Variants in PLPPR1 observed in about 807,000 individuals in gnomAD.
PLPPR1 encodes the protein phospholipid phosphatase-related protein type 1.
A neutral mutation model predicts 33.1 loss-of-function variants in PLPPR1; 10 were observed. That is an observed-to-expected ratio of 0.30 (90% CI 0.19 to 0.51). PLPPR1 has a LOEUF of 0.51. PLPPR1 is among the 20% of genes least tolerant of loss of function. The probability of loss-of-function intolerance (pLI) is 0.97; values close to 1 mark genes in which losing one functional copy is unlikely to be tolerated. For synonymous variants in PLPPR1, 151 were observed against 151.0 expected, an observed-to-expected ratio of 1.00 and a Z score of 0.00; for missense variants, 304 against 408.1, an observed-to-expected ratio of 0.74 and a Z score of 2.20.
At position 101,180,137 on chromosome 9, in the gene PLPPR1, TATATATACACACACAC is replaced by T. The variant is rs1564167598; in HGVS notation, c.-45-5311_-45-5296del. 7.6e-3 allele frequency among the ~76,000 whole-genome samples: 316 copies of T among 41,326 alleles called. 3 individuals carry two copies. Among genetic ancestry groups the T allele is most frequent in the Middle Eastern group, 0.021 (2 of 94 alleles). The allele number at this position is 41,326 out of a possible 152,430, so 27.1% of individuals were successfully genotyped here. A position where few individuals can be genotyped will look rare whatever the true frequency, so the allele number is the denominator to read the frequency against. ...ATATATATATATATATATATATATA[TATATATACACACACAC>T]ACACACACATACACACACACACAGA... On this transcript the variant is annotated intron_variant, in intron 1 of 7. Coordinates refer to ENST00000374874, the MANE Select transcript of PLPPR1 (RefSeq NM_207299.2).
chr9:101,217,353 A>G (rs1169487390), intron 2 of PLPPR1, among the ~76,000 whole-genome samples: 1 of 152,244 alleles, frequency 6.6e-6, no homozygotes, highest in Non-Finnish European at 1.5e-5. Context: ...AAACATATAT[A>G]CCAAGGGTTA....
Position 101,215,304 on chromosome 9 carries a change from G to C in PLPPR1, c.63+29747G>C, listed in dbSNP as rs147775428. 3.0e-3 allele frequency among the ~76,000 whole-genome samples: 450 copies of C among 152,058 alleles called. 1 individual carries two copies. The highest frequency in any genetic ancestry group is 0.01 in the African/African-American group (417 of 41,468). ...CTTTTTTTATTTTTTTTTGGAGACA[G>C]AGTTTTGCTGTGTCTCCCAGGCTGG... On this transcript the variant is annotated intron_variant, in intron 2 of 7. Coordinates refer to ENST00000374874, the MANE Select transcript of PLPPR1 (RefSeq NM_207299.2).
intron 4 of PLPPR1, among the ~76,000 whole-genome samples, chr9:101,290,274 T>C (rs1032453470): frequency 6.6e-6 from 1 of 152,224 alleles, no homozygotes; most frequent in Non-Finnish European, 1.5e-5. Context: ...CAATTGACAT[T>C]GGAAAATGAC....
chr9:101,210,234 G>A (rs868158627), intron 2 of PLPPR1, among the ~76,000 whole-genome samples: 1 of 152,176 alleles, frequency 6.6e-6, no homozygotes, highest in African/African-American at 2.4e-5. Flanking sequence ...CATATACCTT[G>A]AAGAAATTAA....
At chr9:101,152,531 G>C (rs1831602776) in intron 1 of PLPPR1, among the ~76,000 whole-genome samples, 1 of 152,112 alleles carries the variant, frequency 6.6e-6, no homozygotes, top group Non-Finnish European at 1.5e-5. Context: ...TATGGCTTTA[G>C]GTCTAAAATT....
chr9:101,212,422 A>G (rs1826708681), intron 2 of PLPPR1, among the ~76,000 whole-genome samples: 1 of 152,134 alleles, frequency 6.6e-6, no homozygotes, highest in Non-Finnish European at 1.5e-5. Context: ...TGCTTTTGAG[A>G]TGCCTTCTCT....
intron 1 of PLPPR1, among the ~76,000 whole-genome samples, chr9:101,111,702 G>C (rs1831059451): frequency 6.6e-6 from 1 of 152,162 alleles, no homozygotes; most frequent in South Asian, 2.1e-4. Context: ...ATACCAGGTA[G>C]TGAAACCTAA....
In PLPPR1 at chr9:101,316,616, C is replaced by CAAAAAAAAAAAAAAAAAAA. The variant is rs553324474; in HGVS notation, c.814-737_814-736insAAAAAAAAAAAAAAAAAAA. ...AGGGAAAAGGAGGGTTCTTCTTGGG[C>CAAAAAAAAAAAAAAAAAAA]AAAAAAAAAAAAGCAGGGAAGATGG... On this transcript the variant is annotated intron_variant, in intron 6 of 7. Coordinates refer to ENST00000374874, the MANE Select transcript of PLPPR1 (RefSeq NM_207299.2). Among the ~76,000 whole-genome samples, 35 of 82,510 alleles carry CAAAAAAAAAAAAAAAAAAA rather than the reference C, an allele frequency of 4.2e-4. 4 individuals are homozygous for CAAAAAAAAAAAAAAAAAAA. Among genetic ancestry groups the CAAAAAAAAAAAAAAAAAAA allele is most frequent in the African/African-American group, 1.5e-3 (26 of 17,222 alleles). 54.1% of individuals were successfully genotyped at this position (82,510 alleles called of 152,430 possible). A position where few individuals can be genotyped will look rare whatever the true frequency, so the allele number is the denominator to read the frequency against.
chr9:101,054,431 A>G (rs745606461), intron 1 of PLPPR1, among the ~76,000 whole-genome samples: 6 of 152,180 alleles, frequency 3.9e-5, no homozygotes, highest in African/African-American at 9.6e-5. Flanking sequence ...GAATCAAAAA[A>G]TGATTCCAGA....
At chr9:101,148,855 T>A (rs1423461904) in intron 1 of PLPPR1, among the ~76,000 whole-genome samples, 1 of 152,070 alleles carries the variant, frequency 6.6e-6, no homozygotes, top group Non-Finnish European at 1.5e-5. Context: ...TTGCCTTTAT[T>A]CCCACAATTC....
At chr9:101,208,509 T>A (rs1409371408) in intron 2 of PLPPR1, among the ~76,000 whole-genome samples, 5 of 152,254 alleles carry the variant, frequency 3.3e-5, no homozygotes, top group African/African-American at 1.2e-4. Flanking sequence ...TATTCTTTAA[T>A]CTTTATACTT....
intron 2 of PLPPR1, among the ~76,000 whole-genome samples, chr9:101,231,539 G>C (rs2118819905): frequency 6.6e-6 from 1 of 152,100 alleles, no homozygotes; most frequent in South Asian, 2.1e-4. Context: ...TTATCCTATT[G>C]ATTGGGGCTA....
At chr9:101,207,274 G>A (rs1256329473) in intron 2 of PLPPR1, among the ~76,000 whole-genome samples, 1 of 151,962 alleles carries the variant, frequency 6.6e-6, no homozygotes, top group African/African-American at 2.4e-5. Context: ...TCTTAAAAAA[G>A]GAAGGAAAAT....
In PLPPR1 at chr9:101,163,606, A is replaced by C. The variant is rs147217090; in HGVS notation, c.-45-21844A>C. 6.8e-4 allele frequency among the ~76,000 whole-genome samples: 104 copies of C among 152,252 alleles called. 3 individuals carry two copies. In the East Asian group the frequency reaches 0.013, roughly 19 times the overall value. ...AATCTTGCTCTTCTGGTGGCATTCTAGTGACATCCGGCTGAAGCACAGGTT... is the reference window on the plus strand; with the variant it reads ...AATCTTGCTCTTCTGGTGGCATTCTCGTGACATCCGGCTGAAGCACAGGTT... On this transcript the variant is annotated intron_variant, in intron 1 of 7. Transcript: ENST00000374874.
At chr9:101,165,148 T>C (rs1269948019) in intron 1 of PLPPR1, among the ~76,000 whole-genome samples, 1 of 152,190 alleles carries the variant, frequency 6.6e-6, no homozygotes, top group African/African-American at 2.4e-5. Flanking sequence ...ATAACACATA[T>C]GTCTATAGGA....
intron 1 of PLPPR1, among the ~76,000 whole-genome samples, chr9:101,180,415 A>T (rs1826089897): frequency 6.6e-6 from 1 of 151,676 alleles, no homozygotes; most frequent in Non-Finnish European, 1.5e-5. Context: ...GAACCACAAA[A>T]GATCTCAAAC....
chr9:101,155,444 T>C (rs1412841856), intron 1 of PLPPR1, among the ~76,000 whole-genome samples: 6 of 152,164 alleles, frequency 3.9e-5, no homozygotes, highest in Non-Finnish European at 8.8e-5. Context: ...ATGCAAGAGA[T>C]TAAGGAGAGT....
rs111359723 is a variant in PLPPR1 at position 101,268,227 on chromosome 9, T to G, written c.64-1653T>G. Among the ~76,000 whole-genome samples the G allele has an allele frequency of 1.0e-2, 1,504 of 151,116 alleles. 14 individuals are homozygous for G. Among genetic ancestry groups the G allele is most frequent in the Non-Finnish European group, 0.016 (1,067 of 67,828 alleles). On this transcript the variant is annotated intron_variant, in intron 2 of 7. Coordinates refer to ENST00000374874, the MANE Select transcript of PLPPR1 (RefSeq NM_207299.2). The stretch of plus-strand genomic sequence containing the variant: ...GTAACAAACCTGCACATTGTGCACA[T>G]GTACCCTAAAGTAAAATAAAAATAT...
At chr9:101,227,963 G>A (rs973056754) in intron 2 of PLPPR1, among the ~76,000 whole-genome samples, 1 of 152,104 alleles carries the variant, frequency 6.6e-6, no homozygotes, top group African/African-American at 2.4e-5. Context: ...ATTTTTAGCA[G>A]AGATGGGGTT....
Sources: gnomAD v4.1 joint callset for allele counts (sites outside exome capture counted in the v4.1 genomes callset) on GRCh38, gnomAD v4.1.1 for gene constraint, MANE v1.5 for transcripts, NCBI Gene and HGNC (gene_info 2026-07-23, HGNC 2026-07-21) for gene names.